TOPAZ1: variants seen among roughly 807,000 people sequenced by gnomAD.
TOPAZ1 encodes the protein protein TOPAZ1.
In TOPAZ1, 66 loss-of-function variants were observed where a neutral mutation model predicts 172.2. The observed-to-expected ratio is 0.38, with a 90% CI of 0.31 to 0.47. TOPAZ1 has a LOEUF of 0.47. Ranked by LOEUF, TOPAZ1 falls within the 20% of genes least tolerant of loss-of-function variation. TOPAZ1 has a pLI of 0.99. For missense variants in TOPAZ1, 1,822 were observed against 1,972.4 expected (o/e 0.92, Z 1.44); for synonymous variants, 681 against 683.9 (o/e 1.00, Z 0.07).
chr3:44,266,755 T>G (rs551447356), intron 5 of TOPAZ1, among the ~76,000 whole-genome samples: 55 of 152,100 alleles, frequency 3.6e-4, no homozygotes, highest in African/African-American at 1.3e-3. Flanking sequence ...AAAATAATAA[T>G]GAAAAAATTT....
chr3:44,254,224 T>C (rs765736003), intron 2 of TOPAZ1, among the ~76,000 whole-genome samples: 67 of 152,224 alleles, frequency 4.4e-4, no homozygotes, highest in Non-Finnish European at 5.7e-4. Flanking sequence ...GTTCTACATA[T>C]TCTTAATCTT....
chr3:44,313,630 A>G (rs1164143451), intron 16 of TOPAZ1, among the ~76,000 whole-genome samples: 1 of 151,856 alleles, frequency 6.6e-6, no homozygotes, highest in Non-Finnish European at 1.5e-5. Context: ...AAAAAAAAAA[A>G]AAAAGCCCCC....
chr3:44,317,263 A>G (rs1230604355), intron 16 of TOPAZ1, among the ~76,000 whole-genome samples: 1 of 152,126 alleles, frequency 6.6e-6, no homozygotes, highest in African/African-American at 2.4e-5. Flanking sequence ...GCTAAGAAAA[A>G]TACAAAAATT....
chr3:44,309,802 A>C (rs1423143765), intron 15 of TOPAZ1, 23 bp from the exon 16 acceptor site: 2 of 1,421,304 alleles, frequency 1.4e-6, no homozygotes, highest in Middle Eastern at 2.1e-4. Flanking sequence ...ATACCCAATT[A>C]GTGTTCTTTA....
chr3:44,302,211 C>G (rs1229013307), intron 12 of TOPAZ1, among the ~76,000 whole-genome samples: 1 of 152,104 alleles, frequency 6.6e-6, no homozygotes, highest in African/African-American at 2.4e-5. Flanking sequence ...GAGATAGAGA[C>G]CATTCTGGCT....
rs1040779864 is a variant in TOPAZ1, at chr3:44,242,359, A to G, written c.306A>G (p.Ala102=). 2 of 1,552,356 alleles carry G rather than the reference A, an allele frequency of 1.3e-6. No individual in the cohort carries two copies. Among genetic ancestry groups the G allele is most frequent in the East Asian group, 2.4e-5 (1 of 40,912 alleles). Residue 102 remains alanine (A), a synonymous_variant, in exon 1 of 20, where the codon GCA becomes GCG. Transcript: ENST00000309765. The part of the protein sequence containing the change: ...SDSSDPRGLE[A]AKEAELPLQT... ...CGTCAGACCCGCGAGGCCTAGAAGC[A>G]GCAAAGGAGGCTGAACTCCCCTTGC...
rs908614490 is a variant in TOPAZ1 at position 44,242,144 on chromosome 3, G to A, written c.91G>A (p.Gly31Ser). ...GCAGAAGCGGCAGGCGCCAGGGCCA[G>A]GCGCGGCGGGAGGCTGTGGCCCTGA... ...NLQKRQAPGP[G>S]AAGGCGPEAG... is the part of the protein sequence containing the mutation. The change falls in exon 1 of 20, where the codon GGC becomes AGC. Residue 31 changes from glycine to serine, a missense_variant. Physicochemically the swap from Gly to Ser is moderately conservative, Grantham distance 56. Coordinates refer to ENST00000309765, the MANE Select transcript of TOPAZ1 (RefSeq NM_001145030.2). The A allele has an allele frequency of 3.2e-6, 5 of 1,548,780 alleles. No individual in the cohort carries two copies. Among genetic ancestry groups the A allele is most frequent in the East Asian group, 2.4e-5 (1 of 40,860 alleles).
At chr3:44,326,451 T>C (rs1336506416) in intron 18 of TOPAZ1, among the ~76,000 whole-genome samples, 3 of 152,238 alleles carry the variant, frequency 2.0e-5, no homozygotes, top group Non-Finnish European at 4.4e-5. Context: ...TCGTATATTT[T>C]CTTTTGAGAA....
At chr3:44,277,908 A>G (rs573158981) in intron 8 of TOPAZ1, among the ~76,000 whole-genome samples, 14 of 152,332 alleles carry the variant, frequency 9.2e-5, no homozygotes, top group African/African-American at 3.1e-4. Flanking sequence ...AGCAGATGCC[A>G]GCACCATGCT....
At position 44,255,163 on chromosome 3, in the gene TOPAZ1, T is replaced by G. The variant is rs917740550; in HGVS notation, c.2827+134T>G. ...TCTGTTGACCATATGTTTTATAGTT[T>G]GTCAATTTTCCTGTTTTAATTGACT... On this transcript the variant is annotated intron_variant, in intron 3 of 19. Coordinates refer to ENST00000309765, the MANE Select transcript of TOPAZ1 (RefSeq NM_001145030.2). 5.7e-6 allele frequency: 3 copies of G among 522,638 alleles called. No homozygotes were observed. In the Admixed American group the frequency reaches 1.0e-4, roughly 18 times the overall value. 32.4% of individuals were successfully genotyped at this position (522,638 alleles called of 1,614,324 possible).
intron 8 of TOPAZ1, among the ~76,000 whole-genome samples, chr3:44,278,622 C>G (rs1316977914): frequency 6.6e-6 from 1 of 152,022 alleles, no homozygotes; most frequent in South Asian, 2.1e-4. Context: ...TCTACTTTTT[C>G]ATGTATAGTT....
chr3:44,270,648 C>T, intron 7 of TOPAZ1, 37 bp from the exon 8 acceptor site: 1 of 1,499,726 alleles, frequency 6.7e-7, no homozygotes, highest in Non-Finnish European at 8.9e-7. Context: ...AAGTGCTTTA[C>T]AGTTAATACA....
At chr3:44,324,758 A>G (rs1700580084) in intron 18 of TOPAZ1, among the ~76,000 whole-genome samples, 1 of 152,212 alleles carries the variant, frequency 6.6e-6, no homozygotes, top group Non-Finnish European at 1.5e-5. Flanking sequence ...AATCAACTTT[A>G]GAATATTTTA....
intron 8 of TOPAZ1, among the ~76,000 whole-genome samples, chr3:44,271,194 C>T (rs771936329): frequency 3.9e-5 from 6 of 152,144 alleles, no homozygotes; most frequent in Non-Finnish European, 7.4e-5. Context: ...GTCATAGGGT[C>T]TGCATATATT....
intron 2 of TOPAZ1, among the ~76,000 whole-genome samples, chr3:44,252,663 T>C (rs1212931257): frequency 6.6e-6 from 1 of 152,226 alleles, no homozygotes; most frequent in Non-Finnish European, 1.5e-5. Context: ...TCCCTTTCTT[T>C]GCATTCAGTT....
chr3:44,256,177 G>A lies in TOPAZ1; in HGVS notation c.2854G>A (p.Asp952Asn). 6.6e-7 allele frequency: 1 copy of A among 1,523,616 alleles called. No homozygotes were observed. The highest frequency in any genetic ancestry group is 8.8e-7 in the Non-Finnish European group (1 of 1,138,794). The allele number at this position is 1,523,616 out of a possible 1,614,324, so 94.4% of individuals were successfully genotyped here. ...AAGTGAAATAAAACGTGATCCCAAA[G>A]ATGTAAACACTTCCTTAGGAGAAGT... ...AESEIKRDPK[D>N]VNTSLGEVAN... is the part of the protein sequence containing the mutation. Residue 952 changes from aspartate (D) to asparagine (N), a missense_variant, in exon 4 of 20, where the codon GAT becomes AAT. Physicochemically the swap from Asp to Asn is conservative, Grantham distance 23. Around this residue, in one of 2 missense-constraint regions of TOPAZ1, gnomAD observed 1,489 missense variants for 1,490.8 expected, o/e 1.00. Transcript: ENST00000309765.
Position 44,316,730 on chromosome 3 carries a change from A to G in TOPAZ1, c.4307-4297A>G, listed in dbSNP as rs200440848. 6.6e-5 allele frequency among the ~76,000 whole-genome samples: 10 copies of G among 152,114 alleles called. No individual in the cohort carries two copies. In the East Asian group the frequency reaches 1.4e-3, roughly 21 times the overall value. On this transcript the variant is annotated intron_variant, in intron 16 of 19. Transcript: ENST00000309765. ...TACGTATTCATCCATATGTTCTTCA[A>G]TTTTTTCATTTGTTGTTAGTTTTAA...
chr3:44,306,209 G>C (rs1160725326), intron 14 of TOPAZ1, 117 bp from the exon 15 acceptor site: 1 of 596,154 alleles, frequency 1.7e-6, no homozygotes, highest in Admixed American at 2.6e-5. Flanking sequence ...CAAAAACGGG[G>C]CACAGTTTGC....
At chr3:44,273,654 C>T (rs1359216909) in intron 8 of TOPAZ1, among the ~76,000 whole-genome samples, 1 of 152,146 alleles carries the variant, frequency 6.6e-6, no homozygotes, top group African/African-American at 2.4e-5. Flanking sequence ...CCATCCTCTT[C>T]ATCCTTTAAA....
Sources: allele counts gnomAD v4.1 joint callset (sites outside exome capture counted in the v4.1 genomes callset), GRCh38; gene constraint gnomAD v4.1.1; regional missense constraint gnomAD v4.1.1; transcripts MANE v1.5; gene names NCBI Gene and HGNC (gene_info 2026-07-23, HGNC 2026-07-21).